The following COL13A1 variants were observed in gnomAD, a reference collection of about 807,000 sequenced individuals.
The protein encoded by COL13A1 is collagen alpha-1(XIII) chain.
A neutral mutation model predicts 130.9 loss-of-function variants in COL13A1; 89 were observed. That is an observed-to-expected ratio of 0.68 (90% CI 0.57 to 0.81). The LOEUF (loss-of-function observed/expected upper bound fraction) is 0.81. COL13A1 is among the 30% of genes least tolerant of loss of function. COL13A1 has a pLI of 0.00. For synonymous variants in COL13A1, 402 were observed against 341.6 expected, an observed-to-expected ratio of 1.18 and a Z score of -1.95; for missense variants, 879 against 934.6, an observed-to-expected ratio of 0.94 and a Z score of 0.78.
At chr10:69,915,830 C>T (rs554868867) in intron 17 of COL13A1, among the ~76,000 whole-genome samples, 24 of 152,194 alleles carry the variant, frequency 1.6e-4, no homozygotes, top group Admixed American at 1.2e-3. Flanking sequence ...AAAGACAGAC[C>T]GTGGAAATGG....
At chr10:69,811,245 C>G (rs753133023) in intron 1 of COL13A1, among the ~76,000 whole-genome samples, 1 of 152,158 alleles carries the variant, frequency 6.6e-6, no homozygotes, top group South Asian at 2.1e-4. Flanking sequence ...GTTTTTTATC[C>G]GCTCTTTGGG....
In COL13A1 at chr10:69,937,664, A is replaced by G; in HGVS notation, c.1827A>G (p.Gly609=). ...KGEAGLDGAK[G]EKGFQGEKGD... The stretch of plus-strand genomic sequence containing the variant: ...AAGCAGGACTAGATGGAGCAAAAGG[A>G]GAGAAAGGCTTCCAGGGAGAAAAAG... The change falls in exon 34 of 41, where the codon GGA becomes GGG. Residue 609 remains glycine (G), a synonymous_variant. Transcript: ENST00000645393. 6.3e-7 allele frequency: 1 copy of G among 1,582,388 alleles called. No individual in the cohort carries two copies. The highest frequency in any genetic ancestry group is 8.7e-7 in the Non-Finnish European group (1 of 1,151,180).
At chr10:69,838,590 A>G (rs1254766799) in intron 2 of COL13A1, among the ~76,000 whole-genome samples, 2 of 152,168 alleles carry the variant, frequency 1.3e-5, no homozygotes, top group Non-Finnish European at 1.5e-5. Flanking sequence ...GACCACCCAC[A>G]TTGCCCTTCC....
At position 69,902,742 on chromosome 10, in the gene COL13A1, C is replaced by A; in HGVS notation, c.751-6C>A. ...TCCCTCTAACATTCGTTTCCATGAA[C>A]CTCAGGGCGAACAGAGCCAGGCCAG... On this transcript the variant is annotated splice_region_variant and splice_polypyrimidine_tract_variant and intron_variant, in intron 14 of 40. Transcript: ENST00000645393. The A allele has an allele frequency of 2.6e-6, 4 of 1,547,892 alleles. No individual in the cohort carries two copies. The highest frequency in any genetic ancestry group is 3.4e-4 in the Middle Eastern group (2 of 5,970).
At chr10:69,873,385 C>T (rs1340571917) in intron 4 of COL13A1, among the ~76,000 whole-genome samples, 5 of 152,144 alleles carry the variant, frequency 3.3e-5, no homozygotes, top group East Asian at 1.9e-4. Context: ...CAAAGGAGGA[C>T]GGGTGAATCG....
chr10:69,919,123 GAGC>G, intron 20 of COL13A1, 35 bp downstream of exon 20: 1 of 1,613,640 alleles, frequency 6.2e-7, no homozygotes, highest in Non-Finnish European at 8.5e-7. Context: ...GGGCTGCACA[GAGC>G]ATCGGTCATG....
At chr10:69,891,227 C>A (rs1209294455) in intron 10 of COL13A1, among the ~76,000 whole-genome samples, 1 of 152,162 alleles carries the variant, frequency 6.6e-6, no homozygotes, top group African/African-American at 2.4e-5. Context: ...AAAAGATAAT[C>A]CTTAGTGCCC....
At chr10:69,919,215 A>G in intron 20 of COL13A1, 127 bp downstream of exon 20, 1 of 1,236,116 alleles carries the variant, frequency 8.1e-7, no homozygotes, top group Non-Finnish European at 1.2e-6. Context: ...CTGGCTAAGC[A>G]GAGAAGGGCC....
chr10:69,923,922 G>T (rs560612639), intron 24 of COL13A1, 67 bp downstream of exon 24: 2 of 1,564,230 alleles, frequency 1.3e-6, no homozygotes, highest in African/African-American at 1.4e-5. Flanking sequence ...GAATCATCCC[G>T]GCCGACCCTA....
chr10:69,824,034 G>T, intron 2 of COL13A1: 2 of 467,046 alleles, frequency 4.3e-6, no homozygotes, highest in South Asian at 3.1e-5. Flanking sequence ...TGCTGGTCAA[G>T]GGCAGGATAT....
At chr10:69,894,891 C>A (rs1222834076) in intron 12 of COL13A1, among the ~76,000 whole-genome samples, 190 bp downstream of exon 12, 2 of 152,154 alleles carry the variant, frequency 1.3e-5, no homozygotes, top group Middle Eastern at 3.2e-3. Flanking sequence ...AGTGAGGGGT[C>A]CTCCTGGAGG....
At chr10:69,859,624 G>C (rs1857412733) in intron 2 of COL13A1, among the ~76,000 whole-genome samples, 1 of 152,202 alleles carries the variant, frequency 6.6e-6, no homozygotes, top group African/African-American at 2.4e-5. Flanking sequence ...TCAGGGACCT[G>C]AGTGACCCCT....
In COL13A1 at chr10:69,802,088, C is replaced by G. The variant is rs1840161362; in HGVS notation, c.-336C>G. The G allele has an allele frequency of 4.2e-6, 1 of 236,700 alleles. No homozygotes were observed. Among genetic ancestry groups the G allele is most frequent in the South Asian group, 1.2e-4 (1 of 8,356 alleles). 14.7% of individuals were successfully genotyped at this position (236,700 alleles called of 1,614,324 possible). ...GAGGCGCCCAGAAGGACTGACAGCG[C>G]GGCACCAACTGCTCTGCAGACACTT... On this transcript the variant is annotated 5_prime_UTR_variant, in exon 1 of 41. Transcript: ENST00000645393.
intron 2 of COL13A1, among the ~76,000 whole-genome samples, chr10:69,866,395 G>C (rs980192460): frequency 2.6e-5 from 4 of 152,196 alleles, no homozygotes; most frequent in African/African-American, 9.6e-5. Context: ...TCCCAAAATT[G>C]CCACAGGCTG....
intron 40 of COL13A1, 100 bp from the exon 41 acceptor site, chr10:69,958,586 GTCCAGAACTCCCA>G (rs2071259749): frequency 1.3e-6 from 2 of 1,546,068 alleles, no homozygotes; most frequent in Non-Finnish European, 1.8e-6. Context: ...CAGTTCTCCT[GTCCAGAACTCCCA>G]TCCAACCCAG....
At chr10:69,897,565 T>A (rs1269566522) in intron 13 of COL13A1, 1 of 1,607,774 alleles carries the variant, frequency 6.2e-7, no homozygotes, top group East Asian at 2.2e-5. Flanking sequence ...CGGGCCCCTC[T>A]CCACTGAGAG....
intron 2 of COL13A1, among the ~76,000 whole-genome samples, chr10:69,834,689 T>G (rs1207586084): frequency 6.6e-6 from 1 of 152,176 alleles, no homozygotes; most frequent in African/African-American, 2.4e-5. Context: ...CCCAGGACTT[T>G]CAATGCCAGC....
intron 13 of COL13A1, among the ~76,000 whole-genome samples, chr10:69,896,737 T>C (rs912709556): frequency 2.0e-5 from 3 of 151,994 alleles, no homozygotes; most frequent in African/African-American, 7.2e-5. Context: ...GAGGCTGGGA[T>C]GGGTTTAAGG....
At chr10:69,878,097 C>T in intron 6 of COL13A1, 32 bp downstream of exon 6, 1 of 702,886 alleles carries the variant, frequency 1.4e-6, no homozygotes, top group Non-Finnish European at 2.6e-6. Flanking sequence ...CTGCCCTGCA[C>T]CCAGCCTCCT....
Sources: gnomAD v4.1 joint callset for allele counts (sites outside exome capture counted in the v4.1 genomes callset) on GRCh38, gnomAD v4.1.1 for gene constraint, MANE v1.5 for transcripts, NCBI Gene and HGNC (gene_info 2026-07-23, HGNC 2026-07-21) for gene names.